Variants in HMGA2 observed in about 807,000 individuals in gnomAD.
The protein encoded by HMGA2 is high mobility group AT-hook 2, also known as high mobility group protein HMGI-C.
Under a neutral mutation model 19.1 loss-of-function variants are expected in HMGA2, and 8 were observed. The observed-to-expected ratio is 0.42, with a 90% CI of 0.25 to 0.76. The LOEUF is 0.76. Among genes scored for constraint, HMGA2 ranks in the 30% least tolerant of loss-of-function variants. The probability of loss-of-function intolerance (pLI) is 0.28; values close to 1 mark genes in which losing one functional copy is unlikely to be tolerated. For missense variants in HMGA2, 109 were observed against 136.3 expected, an observed-to-expected ratio of 0.80 and a Z score of 1.00; for synonymous variants, 60 against 48.8, an observed-to-expected ratio of 1.23 and a Z score of -0.96.
chr12:65,920,042 C>A (rs1443329173), intron 3 of HMGA2, among the ~76,000 whole-genome samples: 3 of 152,280 alleles, frequency 2.0e-5, no homozygotes, highest in Admixed American at 1.3e-4. Context: ...TGAAGTGAGC[C>A]AATACATAGC....
chr12:65,915,320 T>C lies in HMGA2; in HGVS notation c.250-36063T>C, dbSNP rs1246644506. On this transcript the variant is annotated intron_variant, in intron 3 of 4. Coordinates refer to ENST00000403681, the MANE Select transcript of HMGA2 (RefSeq NM_003483.6). ...CTGAAGTCTGCATCCCAAGATGTAGTTTCACTGCTACCCCATATGGCACCC... is the reference window on the plus strand; with the variant it reads ...CTGAAGTCTGCATCCCAAGATGTAGCTTCACTGCTACCCCATATGGCACCC... 2.1e-6 allele frequency: 3 copies of C among 1,407,258 alleles called. No homozygotes were observed. The East Asian group carries it at 8.2e-5, about 38-fold the overall frequency. 87.2% of individuals were successfully genotyped at this position (1,407,258 alleles called of 1,614,324 possible).
At chr12:65,909,154 A>T (rs189471304) in intron 3 of HMGA2, among the ~76,000 whole-genome samples, 39 of 152,368 alleles carry the variant, frequency 2.6e-4, no homozygotes, top group African/African-American at 8.7e-4. Flanking sequence ...AATAACAGAA[A>T]GTACATCTAA....
At chr12:65,856,563 C>G (rs1231115057) in intron 3 of HMGA2, 2 of 152,172 alleles carry the variant, frequency 1.3e-5, no homozygotes, top group Admixed American at 6.5e-5. Context: ...CCTTCAGGTC[C>G]TGTGTTAGTT....
At chr12:65,892,742 G>A (rs79427108) in intron 3 of HMGA2, among the ~76,000 whole-genome samples, 4,304 of 152,132 alleles carry the variant, frequency 0.028, 222 homozygotes, top group African/African-American at 0.098. Context: ...GCCTTCAGCC[G>A]TCCTCAATCC....
At chr12:65,854,002 G>A (rs1382687203) in intron 3 of HMGA2, among the ~76,000 whole-genome samples, 3 of 152,186 alleles carry the variant, frequency 2.0e-5, no homozygotes, top group South Asian at 4.1e-4. Context: ...AACTCTTACA[G>A]GATTAATGAG....
intron 2 of HMGA2, among the ~76,000 whole-genome samples, chr12:65,832,034 C>T (rs1413693978): frequency 6.6e-6 from 1 of 151,670 alleles, no homozygotes; most frequent in Non-Finnish European, 1.5e-5. Context: ...ATTCAGGGCC[C>T]TATCTGAGGA....
rs576373147 is a variant in HMGA2 at position 65,925,217 on chromosome 12, A to G, written c.250-26166A>G. On this transcript the variant is annotated intron_variant, in intron 3 of 4. Transcript: ENST00000403681. ...AAGTAAAGATGCTACATTTTAGGTT[A>G]TAAGTTTTTGCCACCAGGTGTGACT... Among the ~76,000 whole-genome samples the G allele has an allele frequency of 2.6e-5, 4 of 152,340 alleles. No homozygotes were observed. In the South Asian group the frequency reaches 8.3e-4, roughly 32 times the overall value.
intron 3 of HMGA2, among the ~76,000 whole-genome samples, chr12:65,938,877 C>T (rs1048250308): frequency 2.0e-5 from 3 of 151,970 alleles, no homozygotes; most frequent in African/African-American, 7.3e-5. Context: ...TTGCCCATGC[C>T]GGCCTCGAAC....
chr12:65,950,048 A>G (rs1292245149), intron 3 of HMGA2, among the ~76,000 whole-genome samples: 3 of 152,244 alleles, frequency 2.0e-5, no homozygotes, highest in African/African-American at 4.8e-5. Flanking sequence ...AAGACAGGCA[A>G]TAACAAGCAT....
At chr12:65,947,091 G>A (rs1013393130) in intron 3 of HMGA2, among the ~76,000 whole-genome samples, 1 of 151,498 alleles carries the variant, frequency 6.6e-6, no homozygotes, top group African/African-American at 2.4e-5. Context: ...CACGTGGTAT[G>A]TTCAACTCAT....
rs769411635 is a variant in HMGA2, at chr12:65,965,005, CATTT to C, written c.*1714_*1717del. ...GAATGAACTTGTTACTTGCAGCATT[CATTT>C]GTTTTTTCAATGTTTGAAATAGTTC... On this transcript the variant is annotated 3_prime_UTR_variant, in exon 5 of 5. Transcript: ENST00000403681. 26 of 188,338 alleles carry C rather than the reference CATTT, an allele frequency of 1.4e-4. No individual in the cohort carries two copies. The highest frequency in any genetic ancestry group is 2.7e-4 in the Non-Finnish European group (24 of 89,244). 11.7% of individuals were successfully genotyped at this position (188,338 alleles called of 1,614,324 possible). A position where few individuals can be genotyped will look rare whatever the true frequency, so the allele number is the denominator to read the frequency against.
At chr12:65,915,656 G>A (rs942793843) in intron 3 of HMGA2, 6 of 578,706 alleles carry the variant, frequency 1.0e-5, no homozygotes, top group African/African-American at 6.1e-5. Context: ...AGCTTCAGAT[G>A]GGCTGCCATG....
At chr12:65,905,315 T>A (rs905638789) in intron 3 of HMGA2, among the ~76,000 whole-genome samples, 1 of 152,128 alleles carries the variant, frequency 6.6e-6, no homozygotes, top group Non-Finnish European at 1.5e-5. Flanking sequence ...GGTAAAAAAA[T>A]TGAATATTGT....
chr12:65,918,017 A>G (rs914807167), intron 3 of HMGA2, among the ~76,000 whole-genome samples: 16 of 152,242 alleles, frequency 1.1e-4, no homozygotes, highest in Non-Finnish European at 1.8e-4. Context: ...TAAAACATCC[A>G]TTCTTCACTC....
intron 3 of HMGA2, among the ~76,000 whole-genome samples, chr12:65,845,777 G>A (rs1871209166): frequency 6.6e-6 from 1 of 152,156 alleles, no homozygotes; most frequent in African/African-American, 2.4e-5. Context: ...ATGTCTAAGT[G>A]CCTGACAGGA....
intron 3 of HMGA2, chr12:65,881,504 GAACAA>G: frequency 3.5e-6 from 2 of 573,482 alleles, no homozygotes; most frequent in Non-Finnish European, 6.2e-6. Context: ...AATAGTAGCA[GAACAA>G]AACAAAACAA....
intron 4 of HMGA2, chr12:65,952,209 G>A (rs1876481966): frequency 1.7e-6 from 1 of 595,922 alleles, no homozygotes; most frequent in African/African-American, 1.8e-5. Context: ...AGATCCAGGT[G>A]GTATCATGCT....
chr12:65,923,607 T>G (rs1241643316), intron 3 of HMGA2, among the ~76,000 whole-genome samples: 1 of 152,218 alleles, frequency 6.6e-6, no homozygotes, highest in East Asian at 1.9e-4. Flanking sequence ...TCCTGTACCC[T>G]GTGGGAACCT....
chr12:65,909,755 A>C (rs958778089), intron 3 of HMGA2, among the ~76,000 whole-genome samples: 5 of 152,194 alleles, frequency 3.3e-5, no homozygotes, highest in Non-Finnish European at 7.3e-5. Context: ...GAATATGGAG[A>C]TATAACCTCA....
Sources: gnomAD v4.1 joint callset for allele counts (sites outside exome capture counted in the v4.1 genomes callset) on GRCh38, gnomAD v4.1.1 for gene constraint, MANE v1.5 for transcripts, NCBI Gene and HGNC (gene_info 2026-07-23, HGNC 2026-07-21) for gene names.